Variants in VAMP2 observed in about 807,000 individuals in gnomAD.
VAMP2 encodes vesicle associated membrane protein 2.
For synonymous variants in VAMP2, 67 were observed against 57.3 expected (o/e 1.17, Z -0.76); for missense variants, 95 against 151.3 (o/e 0.63, Z 1.95).
Position 8,161,479 on chromosome 17 carries a change from T to A in VAMP2, c.328A>T (p.Ile110Phe). The change falls in exon 4 of 5, where the codon ATC (isoleucine) becomes TTC (phenylalanine). Residue 110 changes from isoleucine (I) to phenylalanine (F), a missense_variant. Transcript: ENST00000316509. ...GVICAIILIIIIVYFST is the reference protein window; with the variant it reads ...GVICAIILIIFIVYFST ...CCATTCTCACCCTACTCACCTATGA[T>A]GATGATGAGGATGATGGCGCAAATC... The A allele has an allele frequency of 6.2e-7, 1 of 1,614,090 alleles. No homozygotes were observed. The highest frequency in any genetic ancestry group is 8.5e-7 in the Non-Finnish European group (1 of 1,179,992).
In VAMP2 at chr17:8,162,341, C is replaced by A; in HGVS notation, c.31G>T (p.Ala11Ser). 6.2e-7 allele frequency: 1 copy of A among 1,606,696 alleles called. No homozygotes were observed. Residue 11 changes from alanine to serine, a missense_variant, in exon 2 of 5, where the codon GCT becomes TCT. Transcript: ENST00000316509. The stretch of plus-strand genomic sequence containing the variant: ...GGACCACCCTCCCCAGCCGGGGCAG[C>A]AGGGGGGGCCGTGGCAGCGGTAGCA... MSATAATAPP[A>S]APAGEGGPPA...
In VAMP2 at chr17:8,160,090, T is replaced by C. The variant is rs1332413575; in HGVS notation, c.*765A>G. On this transcript the variant is annotated 3_prime_UTR_variant, in exon 5 of 5. Transcript: ENST00000316509. Reference sequence around the variant, plus strand: ...AATGCTGGGGACCAGAGCAGCCTGGTTCCCCAAAAGCCCAGGCTCCCCACC... The same window carrying C: ...AATGCTGGGGACCAGAGCAGCCTGGCTCCCCAAAAGCCCAGGCTCCCCACC... The C allele has an allele frequency of 6.6e-6, 1 of 152,240 alleles. No individual in the cohort carries two copies. Among genetic ancestry groups the C allele is most frequent in the Non-Finnish European group, 1.5e-5 (1 of 68,072 alleles). The allele number at this position is 152,240 out of a possible 1,614,324, so 9.4% of individuals were successfully genotyped here. A position where few individuals can be genotyped will look rare whatever the true frequency, so the allele number is the denominator to read the frequency against.
chr17:8,161,277 A>G, intron 4 of VAMP2, 196 bp downstream of exon 4: 2 of 782,196 alleles, frequency 2.6e-6, no homozygotes, highest in Non-Finnish European at 4.0e-6. Context: ...AAATGTTAAC[A>G]AGACTGCCAA....
chr17:8,160,909 GGGGAGAGAAA>G (rs1167719186), intron 4 of VAMP2, 38 bp from the exon 5 acceptor site: 1 of 1,541,434 alleles, frequency 6.5e-7, no homozygotes, highest in Non-Finnish European at 8.9e-7. Context: ...AAGAGGGAGA[GGGGAGAGAAA>G]GAGAGAGAAC....
Position 8,160,825 on chromosome 17 carries a change from TTC to T in VAMP2, c.*28_*29del. ...CGGCTGAGGGTTGGGGGAGAGGCCCTTCTCTAGGCAGGGCAGACTCCTCGGGG... is the reference window on the plus strand; with the variant it reads ...CGGCTGAGGGTTGGGGGAGAGGCCCTTCTAGGCAGGGCAGACTCCTCGGGG... On this transcript the variant is annotated 3_prime_UTR_variant, in exon 5 of 5. Coordinates refer to ENST00000316509, the MANE Select transcript of VAMP2 (RefSeq NM_014232.3). 1 of 1,604,462 alleles carries T rather than the reference TTC, an allele frequency of 6.2e-7. No individual in the cohort carries two copies. Among genetic ancestry groups the T allele is most frequent in the Non-Finnish European group, 8.5e-7 (1 of 1,174,290 alleles).
In VAMP2 at chr17:8,160,380, G is replaced by GTTATTTTTTTTTT. The variant is rs1983260313; in HGVS notation, c.*474_*475insAAAAAAAAAATAA. On this transcript the variant is annotated 3_prime_UTR_variant, in exon 5 of 5. Coordinates refer to ENST00000316509, the MANE Select transcript of VAMP2 (RefSeq NM_014232.3). ...TAAGGAAGCCTGGACAGGTGCTGTT[G>GTTATTTTTTTTTT]TTTTTTTTTTTTTTTTTTTTTTTTT... is the stretch of plus-strand genomic sequence containing the variant. The GTTATTTTTTTTTT allele has an allele frequency of 2.8e-5, 1 of 35,108 alleles. No individual in the cohort carries two copies. The highest frequency in any genetic ancestry group is 1.2e-4 in the African/African-American group (1 of 8,576). The allele number at this position is 35,108 out of a possible 1,614,324, so 2.2% of individuals were successfully genotyped here. A position where few individuals can be genotyped will look rare whatever the true frequency, so the allele number is the denominator to read the frequency against.
intron 4 of VAMP2, 124 bp from the exon 5 acceptor site, chr17:8,160,995 T>C: frequency 2.6e-6 from 2 of 774,310 alleles, no homozygotes; most frequent in South Asian, 3.5e-5. Flanking sequence ...GCTGACACCC[T>C]CTCTTGGACT....
intron 4 of VAMP2, 63 bp from the exon 5 acceptor site, chr17:8,160,934 A>G: frequency 7.0e-7 from 1 of 1,438,080 alleles, no homozygotes; most frequent in Non-Finnish European, 9.7e-7. Flanking sequence ...GAGAACAAGA[A>G]AGCAGTGTGT....
At chr17:8,161,555 A>T in intron 3 of VAMP2, 31 bp from the exon 4 acceptor site, 1 of 1,614,108 alleles carries the variant, frequency 6.2e-7, no homozygotes. Flanking sequence ...TCAGTAAGAC[A>T]AACTATGATA....
rs1293275803 is a variant in VAMP2, at chr17:8,160,763, A to G, written c.*92T>C. 47 of 1,383,606 alleles carry G rather than the reference A, an allele frequency of 3.4e-5. No homozygotes were observed. Among genetic ancestry groups the G allele is most frequent in the African/African-American group, 2.9e-5 (2 of 69,628 alleles). The allele number at this position is 1,383,606 out of a possible 1,614,324, so 85.7% of individuals were successfully genotyped here. ...ACACACACACACACGGATCCAGGGGAGTGGGGGCTGAAAGATATGGCTGAG... is the reference window on the plus strand; with the variant it reads ...ACACACACACACACGGATCCAGGGGGGTGGGGGCTGAAAGATATGGCTGAG... On this transcript the variant is annotated 3_prime_UTR_variant, in exon 5 of 5. Transcript: ENST00000316509.
chr17:8,160,912 G>C, intron 4 of VAMP2, 41 bp from the exon 5 acceptor site: 1 of 1,515,060 alleles, frequency 6.6e-7, no homozygotes, highest in Non-Finnish European at 9.1e-7. Context: ...AGGGAGAGGG[G>C]AGAGAAAGAG....
chr17:8,162,137 C>T, intron 2 of VAMP2, 112 bp downstream of exon 2: 1 of 1,455,784 alleles, frequency 6.9e-7, no homozygotes, highest in Non-Finnish European at 9.1e-7. Flanking sequence ...GTATCTTTGT[C>T]CGCAAACCCA....
In VAMP2 at chr17:8,159,617, G is replaced by GA. The variant is rs1445092535; in HGVS notation, c.*1237dup. ...GGGGCAGTCAGAGGAGCTGGGCAGT[G>GA]ATGGGGCAACACCCCCCAAATTGGG... On this transcript the variant is annotated 3_prime_UTR_variant, in exon 5 of 5. Coordinates refer to ENST00000316509, the MANE Select transcript of VAMP2 (RefSeq NM_014232.3). 2 of 152,700 alleles carry GA rather than the reference G, an allele frequency of 1.3e-5. No individual in the cohort carries two copies. The highest frequency in any genetic ancestry group is 2.9e-5 in the Non-Finnish European group (2 of 68,094). 9.5% of individuals were successfully genotyped at this position (152,700 alleles called of 1,614,324 possible).
Position 8,161,526 on chromosome 17 carries a change from T to TG in VAMP2, c.283-3dup. 6.2e-7 allele frequency: 1 copy of TG among 1,614,156 alleles called. No homozygotes were observed. Among genetic ancestry groups the TG allele is most frequent in the Non-Finnish European group, 8.5e-7 (1 of 1,180,002 alleles). ...AATCACTCCCAAGATGATCATCATC[T>TG]GGGGGTGAGAGGCGAGGATCAGTAA... On this transcript the variant is annotated splice_region_variant and splice_polypyrimidine_tract_variant and intron_variant, in intron 3 of 4. Transcript: ENST00000316509.
At chr17:8,162,732 C>G (rs570597684) in intron 1 of VAMP2, 146 bp downstream of exon 1, 21,979 of 1,282,054 alleles carry the variant, frequency 0.017, 235 homozygotes, top group Middle Eastern at 0.038. Context: ...CGGGGCTCCT[C>G]GGCCGCCCGC....
chr17:8,161,167 C>T, intron 4 of VAMP2: 2 of 567,344 alleles, frequency 3.5e-6, no homozygotes, highest in South Asian at 4.5e-5. Flanking sequence ...GTCTCAAGCC[C>T]CTGGTCCTTT....
At position 8,160,555 on chromosome 17, in the gene VAMP2, G is replaced by A. The variant is rs769337898; in HGVS notation, c.*300C>T. The A allele has an allele frequency of 6.6e-5, 13 of 197,164 alleles. No individual in the cohort carries two copies. The highest frequency in any genetic ancestry group is 1.1e-4 in the Non-Finnish European group (11 of 98,448). 12.2% of individuals were successfully genotyped at this position (197,164 alleles called of 1,614,324 possible). ...GCAGATGCAAATGAAGGGACTTGGG[G>A]CTAGTCAGGAAGAAAGGGAAAGGGA... On this transcript the variant is annotated 3_prime_UTR_variant, in exon 5 of 5. Transcript: ENST00000316509.
At chr17:8,162,639 CG>C (rs1311954794) in intron 1 of VAMP2, 87 of 1,393,846 alleles carry the variant, frequency 6.2e-5, no homozygotes, top group Non-Finnish European at 6.8e-5. Flanking sequence ...CAGGCGGCCG[CG>C]GTGACAGGGG....
intron 1 of VAMP2, 188 bp from the exon 2 acceptor site, chr17:8,162,557 C>T (rs1983349784): frequency 6.8e-7 from 1 of 1,467,324 alleles, no homozygotes; most frequent in African/African-American, 1.4e-5. Flanking sequence ...AGCGAGGCCC[C>T]CCCGGCCTCA....
Sources: allele counts gnomAD v4.1 joint callset, GRCh38; gene constraint gnomAD v4.1.1; transcripts MANE v1.5; gene names NCBI Gene and HGNC (gene_info 2026-07-23, HGNC 2026-07-21).